The following MYT1L variants were observed in gnomAD, a reference collection of about 807,000 sequenced individuals.
MYT1L encodes myelin transcription factor 1 like.
In MYT1L, 12 loss-of-function variants were observed where a neutral mutation model predicts 126.7. The ratio of observed to expected loss-of-function variants is 0.09; its 90% CI spans 0.06 to 0.15. MYT1L has a LOEUF of 0.15. Ranked by LOEUF, MYT1L falls within the 10% of genes least tolerant of loss-of-function variation. The pLI is 1.00. For synonymous variants in MYT1L, 541 were observed against 604.2 expected, an observed-to-expected ratio of 0.90 and a Z score of 1.53; for missense variants, 979 against 1,585.2, an observed-to-expected ratio of 0.62 and a Z score of 6.49.
chr2:1,892,096 G>A lies in MYT1L; in HGVS notation c.2224C>T (p.Arg742Cys). 1.3e-6 allele frequency: 2 copies of A among 1,544,486 alleles called. No individual in the cohort carries two copies. The highest frequency in any genetic ancestry group is 8.7e-7 in the Non-Finnish European group (1 of 1,146,556). Residue 742 changes from arginine to cysteine, a missense_variant, in exon 15 of 25, where the codon CGC (arginine) becomes TGC (cysteine). Coordinates refer to ENST00000647738, the MANE Select transcript of MYT1L (RefSeq NM_001303052.2). ...AGGTTCTGCGGCATCTCGCGGCAGC[G>A]CGTGGACAGGTTGAGGATGGCGGTG... Reference protein sequence around the residue: ...AATAILNLSTRCREMPQNLST... With the variant: ...AATAILNLSTCCREMPQNLST...
chr2:2,052,855 C>A (rs929894319), intron 4 of MYT1L, among the ~76,000 whole-genome samples: 2 of 152,252 alleles, frequency 1.3e-5, no homozygotes, highest in African/African-American at 2.4e-5. Flanking sequence ...TATGGTGCAG[C>A]CACTATTGAA....
intron 21 of MYT1L, among the ~76,000 whole-genome samples, chr2:1,835,481 G>A (rs1205044851): frequency 6.6e-6 from 1 of 152,198 alleles, no homozygotes; most frequent in African/African-American, 2.4e-5. Flanking sequence ...TGTAAGTTGA[G>A]GACCATCTGT....
intron 21 of MYT1L, chr2:1,817,163 GATCTCCC>G (rs2037790003): frequency 6.6e-6 from 1 of 152,246 alleles, no homozygotes; most frequent in South Asian, 2.1e-4. Context: ...ATCTATTAGG[GATCTCCC>G]CATCCTGGCT....
chr2:2,229,453 T>TTG (rs2094107408), intron 2 of MYT1L, among the ~76,000 whole-genome samples: 1 of 152,154 alleles, frequency 6.6e-6, no homozygotes, highest in Non-Finnish European at 1.5e-5. Context: ...TCTTTTTTTT[T>TTG]TGTGTGTGGA....
At chr2:2,298,677 CA>C (rs1321581973) in intron 1 of MYT1L, among the ~76,000 whole-genome samples, 10 of 152,126 alleles carry the variant, frequency 6.6e-5, no homozygotes, top group Non-Finnish European at 1.5e-4. Context: ...TGAGCTTCCA[CA>C]AGTCCCTGTG....
chr2:1,935,735 T>C (rs2055789449), intron 9 of MYT1L, among the ~76,000 whole-genome samples: 1 of 152,182 alleles, frequency 6.6e-6, no homozygotes, highest in African/African-American at 2.4e-5. Flanking sequence ...CATCTACCCG[T>C]GGATAAACCA....
intron 2 of MYT1L, among the ~76,000 whole-genome samples, chr2:2,272,114 C>A (rs1204022545): frequency 2.0e-5 from 3 of 152,116 alleles, no homozygotes; most frequent in Non-Finnish European, 4.4e-5. Context: ...ACGACAGTCA[C>A]CCTTATTGCC....
chr2:2,247,692 A>C (rs1478346359), intron 2 of MYT1L, among the ~76,000 whole-genome samples: 1 of 152,198 alleles, frequency 6.6e-6, no homozygotes, highest in Non-Finnish European at 1.5e-5. Context: ...TCTGATCACA[A>C]TGGAATAAAA....
At chr2:2,280,828 T>C (rs1471370508) in intron 2 of MYT1L, among the ~76,000 whole-genome samples, 1 of 152,196 alleles carries the variant, frequency 6.6e-6, no homozygotes, top group Non-Finnish European at 1.5e-5. Context: ...AATTTCATCC[T>C]AAAATATTGT....
At chr2:2,046,282 T>C (rs1337227044) in intron 4 of MYT1L, among the ~76,000 whole-genome samples, 3 of 152,196 alleles carry the variant, frequency 2.0e-5, no homozygotes, top group African/African-American at 7.2e-5. Flanking sequence ...ATTACATGCA[T>C]GGTTTTTTCA....
chr2:2,200,066 T>C (rs2092994979), intron 2 of MYT1L, among the ~76,000 whole-genome samples: 1 of 152,092 alleles, frequency 6.6e-6, no homozygotes, highest in Admixed American at 6.5e-5. Context: ...AAAATGCATG[T>C]CTATAAATAC....
intron 9 of MYT1L, among the ~76,000 whole-genome samples, chr2:1,931,969 C>T (rs1004102232): frequency 2.2e-4 from 34 of 152,156 alleles, no homozygotes; most frequent in Admixed American, 3.3e-4. Flanking sequence ...CGTGAGGATG[C>T]CCCACTAAGT....
At position 1,934,032 on chromosome 2, in the gene MYT1L, T is replaced by C. The variant is rs915050985; in HGVS notation, c.505+8950A>G. On this transcript the variant is annotated intron_variant, in intron 9 of 24. Transcript: ENST00000647738. The stretch of plus-strand genomic sequence containing the variant: ...CTCTGTCGCCCAGGCTGGAGTGCAG[T>C]GGTGCGATCTCGGCTCACTGCAAGC... Among the ~76,000 whole-genome samples, 3 of 143,618 alleles carry C rather than the reference T, an allele frequency of 2.1e-5. No individual in the cohort carries two copies. In the South Asian group the frequency reaches 6.7e-4, roughly 32 times the overall value. The allele number at this position is 143,618 out of a possible 152,430, so 94.2% of individuals were successfully genotyped here.
intron 2 of MYT1L, among the ~76,000 whole-genome samples, chr2:2,215,553 A>G (rs1421997729): frequency 1.3e-5 from 2 of 152,246 alleles, no homozygotes; most frequent in Non-Finnish European, 2.9e-5. Context: ...AAAGCACTAC[A>G]AGGATAAATA....
intron 21 of MYT1L, among the ~76,000 whole-genome samples, chr2:1,821,969 G>A (rs76271438): frequency 3.9e-5 from 6 of 152,182 alleles, no homozygotes; most frequent in African/African-American, 7.2e-5. Context: ...TCCGGGAGTC[G>A]AACCCCTCTT....
At chr2:1,886,038 G>T (rs2048130934) in intron 18 of MYT1L, 1 of 152,280 alleles carries the variant, frequency 6.6e-6, no homozygotes, top group Admixed American at 6.5e-5. Context: ...TGACTCTCCG[G>T]ATCCCCGAAC....
At chr2:1,958,309 G>T (rs1161455623) in intron 8 of MYT1L, among the ~76,000 whole-genome samples, 1 of 151,948 alleles carries the variant, frequency 6.6e-6, no homozygotes, top group South Asian at 2.1e-4. Flanking sequence ...GGCTACTGCA[G>T]ATGGAACCCA....
chr2:2,178,914 T>A (rs2091116499), intron 2 of MYT1L, among the ~76,000 whole-genome samples: 1 of 152,192 alleles, frequency 6.6e-6, no homozygotes, highest in African/African-American at 2.4e-5. Flanking sequence ...ATCTAAGATT[T>A]AATTGCAGTG....
intron 2 of MYT1L, among the ~76,000 whole-genome samples, chr2:2,238,968 G>C (rs2094384281): frequency 1.3e-5 from 2 of 152,178 alleles, no homozygotes; most frequent in Admixed American, 6.5e-5. Context: ...AGTGAGAACT[G>C]GTTAAGTGTC....
Sources: allele counts gnomAD v4.1 joint callset (sites outside exome capture counted in the v4.1 genomes callset), GRCh38; gene constraint gnomAD v4.1.1; transcripts MANE v1.5; gene names NCBI Gene and HGNC (gene_info 2026-07-23, HGNC 2026-07-21).